Variants in ZNF536 observed in about 807,000 individuals in gnomAD.
The protein encoded by ZNF536 is zinc finger protein 536.
Under a neutral mutation model 84.5 loss-of-function variants are expected in ZNF536, and 13 were observed. The ratio of observed to expected loss-of-function variants is 0.15; its 90% CI spans 0.10 to 0.24. The LOEUF (loss-of-function observed/expected upper bound fraction) is 0.24. Ranked by LOEUF, ZNF536 falls within the 10% of genes least tolerant of loss-of-function variation. The pLI is 1.00. For synonymous variants in ZNF536, 811 were observed against 742.5 expected (o/e 1.09, Z -1.50); for missense variants, 1,536 against 1,747.5 (o/e 0.88, Z 2.16).
intron 2 of ZNF536, among the ~76,000 whole-genome samples, chr19:30,509,267 T>C (rs1464147752): frequency 6.7e-6 from 1 of 148,464 alleles, no homozygotes. Context: ...ATATGTAATG[T>C]ATATATTATG....
At chr19:30,668,980 G>A (rs2050439737) in intron 1 of ZNF536, among the ~76,000 whole-genome samples, 1 of 152,240 alleles carries the variant, frequency 6.6e-6, no homozygotes. Context: ...GGTGGTCTCT[G>A]AGTGGGCAGC....
intron 1 of ZNF536, among the ~76,000 whole-genome samples, chr19:30,439,092 T>C (rs1330836308): frequency 6.6e-6 from 1 of 152,046 alleles, no homozygotes; most frequent in East Asian, 1.9e-4. Context: ...GTGTAGGCAT[T>C]TGTATACATT....
intron 1 of ZNF536, among the ~76,000 whole-genome samples, chr19:30,387,324 G>A (rs2049384441): frequency 6.6e-6 from 1 of 152,236 alleles, no homozygotes; most frequent in African/African-American, 2.4e-5. Flanking sequence ...ATCTTGCTCT[G>A]AGCAGGACCG....
At chr19:30,552,408 A>G (rs979657582) in intron 4 of ZNF536, among the ~76,000 whole-genome samples, 1 of 152,156 alleles carries the variant, frequency 6.6e-6, no homozygotes, top group Non-Finnish European at 1.5e-5. Flanking sequence ...TAATGTTCCC[A>G]TGTTTCTTAA....
intron 3 of ZNF536, among the ~76,000 whole-genome samples, chr19:30,546,885 G>A (rs1461324877): frequency 3.9e-5 from 6 of 152,158 alleles, no homozygotes; most frequent in Non-Finnish European, 7.4e-5. Flanking sequence ...ATCTGCAGTC[G>A]TTTACCTTCT....
At chr19:30,364,053 T>C (rs1256823025) in intron 3 of ZNF536, among the ~76,000 whole-genome samples, 6 of 152,034 alleles carry the variant, frequency 3.9e-5, no homozygotes, top group Non-Finnish European at 8.8e-5. Context: ...GATACAGGTG[T>C]GAGATGTATA....
At chr19:30,417,941 C>T (rs576283938) in intron 1 of ZNF536, among the ~76,000 whole-genome samples, 1 of 152,122 alleles carries the variant, frequency 6.6e-6, no homozygotes, top group African/African-American at 2.4e-5. Context: ...TAGAGACAAG[C>T]TCTTGCTATG....
chr19:30,565,212 T>C (rs1216115870), intron 1 of ZNF536, among the ~76,000 whole-genome samples: 2 of 151,938 alleles, frequency 1.3e-5, no homozygotes, highest in East Asian at 3.9e-4. Flanking sequence ...TTCTTGGTCT[T>C]CTGGAGTCAG....
chr19:30,500,294 T>A (rs1005459869), intron 2 of ZNF536, among the ~76,000 whole-genome samples: 5 of 152,134 alleles, frequency 3.3e-5, no homozygotes, highest in African/African-American at 1.2e-4. Context: ...TGCCATGGGA[T>A]GAATGTGGGT....
At chr19:30,390,442 A>T (rs2049536461) in intron 1 of ZNF536, among the ~76,000 whole-genome samples, 1 of 152,146 alleles carries the variant, frequency 6.6e-6, no homozygotes, top group East Asian at 1.9e-4. Context: ...GGGGAGTTTC[A>T]GTGCTAGAAA....
intron 1 of ZNF536, among the ~76,000 whole-genome samples, chr19:30,622,453 C>T (rs562083607): frequency 6.5e-4 from 99 of 152,334 alleles, no homozygotes; most frequent in Non-Finnish European, 4.4e-4. Context: ...GGGCCTCATG[C>T]CCACCGGTGG....
intron 2 of ZNF536, among the ~76,000 whole-genome samples, chr19:30,528,928 A>AG (rs2044695907): frequency 6.6e-6 from 1 of 151,606 alleles, no homozygotes; most frequent in African/African-American, 2.4e-5. Context: ...AGAGGCCAAA[A>AG]AAAAAAAAAA....
intron 2 of ZNF536, among the ~76,000 whole-genome samples, chr19:30,296,648 C>T (rs972655468): frequency 1.3e-5 from 2 of 152,156 alleles, no homozygotes; most frequent in Non-Finnish European, 2.9e-5. Context: ...GCTCTCTACC[C>T]CCAGGGAGCC....
At chr19:30,363,096 T>C (rs1008737733) in intron 3 of ZNF536, among the ~76,000 whole-genome samples, 1 of 151,626 alleles carries the variant, frequency 6.6e-6, no homozygotes, top group Admixed American at 6.6e-5. Flanking sequence ...GGGTTTGAAA[T>C]TAAGGAAAAA....
chr19:30,433,876 T>G (rs1451618115), intron 1 of ZNF536, among the ~76,000 whole-genome samples: 2 of 151,880 alleles, frequency 1.3e-5, no homozygotes, highest in African/African-American at 4.8e-5. Flanking sequence ...GCTACCAAAT[T>G]AAGGGGGCTT....
At chr19:30,606,252 T>TATA (rs1475917075) in intron 1 of ZNF536, among the ~76,000 whole-genome samples, 1,126 of 65,958 alleles carry the variant, frequency 0.017, 79 homozygotes, top group Admixed American at 0.12. Context: ...TAAAATAAAA[T>TATA]AAATAAAATA....
intron 2 of ZNF536, among the ~76,000 whole-genome samples, chr19:30,516,027 A>AAAC (rs2055628832): frequency 3.2e-5 from 2 of 63,352 alleles, no homozygotes; most frequent in Admixed American, 1.4e-4. Context: ...ACTCCATCTC[A>AAAC]AAAAAAAAAA....
At chr19:30,384,098 CTCTTTCTT>C (rs749685060) in intron 1 of ZNF536, among the ~76,000 whole-genome samples, 1,018 of 86,480 alleles carry the variant, frequency 0.012, 27 homozygotes, top group African/African-American at 0.039. Flanking sequence ...CCACCTCTTT[CTCTTTCTT>C]TCTTTCTTTC....
intron 1 of ZNF536, among the ~76,000 whole-genome samples, chr19:30,595,519 C>T (rs1354825421): frequency 6.6e-6 from 1 of 152,072 alleles, no homozygotes; most frequent in Admixed American, 6.5e-5. Flanking sequence ...AACTCCTGGC[C>T]TTAAGCAATC....
Sources: gnomAD v4.1 joint callset for allele counts (sites outside exome capture counted in the v4.1 genomes callset) on GRCh38, gnomAD v4.1.1 for gene constraint, MANE v1.5 for transcripts, NCBI Gene and HGNC (gene_info 2026-07-23, HGNC 2026-07-21) for gene names.